ADGRE2: variants seen among roughly 807,000 people sequenced by gnomAD.
ADGRE2 encodes the protein adhesion G protein-coupled receptor E2, also known as CD97 antigen.
In ADGRE2, 83 loss-of-function variants were observed where a neutral mutation model predicts 100.8. The ratio of observed to expected loss-of-function variants is 0.82; its 90% CI spans 0.69 to 0.99. The LOEUF is 0.99. Among genes scored for constraint, ADGRE2 ranks in the 50% least tolerant of loss-of-function variants. ADGRE2 has a pLI of 0.00. For synonymous variants in ADGRE2, 355 were observed against 413.0 expected (o/e 0.86, Z 1.70); for missense variants, 814 against 1,035.7 (o/e 0.79, Z 2.94).
At chr19:14,764,687 G>T in intron 10 of ADGRE2, 77 bp from the exon 11 acceptor site, 1 of 1,432,070 alleles carries the variant, frequency 7.0e-7, no homozygotes, top group Non-Finnish European at 9.5e-7. Context: ...CTCAGCCCCA[G>T]GGAACAGATC....
rs2042680118 is a variant in ADGRE2, at chr19:14,732,459, A to G, written c.*3777T>C. On this transcript the variant is annotated 3_prime_UTR_variant, in exon 21 of 21. Coordinates refer to ENST00000315576, the MANE Select transcript of ADGRE2 (RefSeq NM_013447.4). ...GGTGATCTGGAGTGGAGCCTGCAAT[A>G]TCTCTGAGGTGTGTCTGTATGTGCT... 1 of 152,166 alleles carries G rather than the reference A, an allele frequency of 6.6e-6. No individual in the cohort carries two copies. The highest frequency in any genetic ancestry group is 2.4e-5 in the African/African-American group (1 of 41,430). The allele number at this position is 152,166 out of a possible 1,614,324, so 9.4% of individuals were successfully genotyped here.
In ADGRE2 at chr19:14,751,663, G is replaced by A; in HGVS notation, c.1797C>T (p.Cys599=). 6.2e-7 allele frequency: 1 copy of A among 1,613,462 alleles called. No homozygotes were observed. Among genetic ancestry groups the A allele is most frequent in the Non-Finnish European group, 8.5e-7 (1 of 1,179,512 alleles). The change falls in exon 16 of 21, where the codon TGC becomes TGT. Residue 599 remains cysteine, a synonymous_variant. Transcript: ENST00000315576. ...AGTGCAAGGTACCGGCGATGATGGAGCACAGCACCTGGCGGAGAAGTAAAA... is the reference window on the plus strand; with the variant it reads ...AGTGCAAGGTACCGGCGATGATGGAACACAGCACCTGGCGGAGAAGTAAAA... ...AIDQTGHKVL[C]SIIAGTLHYL... is the part of the protein sequence containing the mutation.
At chr19:14,752,727 C>T (rs566075613) in intron 14 of ADGRE2, among the ~76,000 whole-genome samples, 20 of 152,108 alleles carry the variant, frequency 1.3e-4, no homozygotes, top group Admixed American at 7.2e-4. Context: ...CAGGCGTAGT[C>T]ATGTAGGTGA....
Position 14,759,739 on chromosome 19 carries a change from C to A in ADGRE2, c.1085-3394G>T, listed in dbSNP as rs575250985. Among the ~76,000 whole-genome samples the A allele has an allele frequency of 5.1e-3, 778 of 151,818 alleles. 1 individual carries two copies. The highest frequency in any genetic ancestry group is 7.9e-3 in the Non-Finnish European group (535 of 67,964). Reference sequence around the variant, plus strand: ...CAAACTCCTGATGTCAGGTGATCTGCCTGCCTTGACCTCCCAAAGTGCTAG... The same window carrying A: ...CAAACTCCTGATGTCAGGTGATCTGACTGCCTTGACCTCCCAAAGTGCTAG... On this transcript the variant is annotated intron_variant, in intron 11 of 20. Coordinates refer to ENST00000315576, the MANE Select transcript of ADGRE2 (RefSeq NM_013447.4).
chr19:14,747,845 C>G (rs2043138533), intron 16 of ADGRE2, among the ~76,000 whole-genome samples: 1 of 152,056 alleles, frequency 6.6e-6, no homozygotes, highest in Non-Finnish European at 1.5e-5. Context: ...TCTTAACGTT[C>G]CTTTTTATGG....
At position 14,732,652 on chromosome 19, in the gene ADGRE2, T is replaced by C. The variant is rs902719951; in HGVS notation, c.*3584A>G. The stretch of plus-strand genomic sequence containing the variant: ...CATTTTTCAAATGGGTGAAAACAAA[T>C]AAAAAGAAGAATGATATTTTGTGTC... On this transcript the variant is annotated 3_prime_UTR_variant, in exon 21 of 21. Transcript: ENST00000315576. The C allele has an allele frequency of 5.9e-5, 9 of 152,148 alleles. No individual in the cohort carries two copies. Among genetic ancestry groups the C allele is most frequent in the African/African-American group, 1.7e-4 (7 of 41,430 alleles). The allele number at this position is 152,148 out of a possible 1,614,324, so 9.4% of individuals were successfully genotyped here. A position where few individuals can be genotyped will look rare whatever the true frequency, so the allele number is the denominator to read the frequency against.
the ADGRE2 span, among the ~76,000 whole-genome samples, chr19:14,725,435 C>G: frequency 6.6e-6 from 1 of 152,094 alleles, no homozygotes; most frequent in Admixed American, 6.5e-5. Flanking sequence ...TTCTAAATAC[C>G]TCCCCAAAGT....
chr19:14,776,976 G>GCACACACACACACACACACACA (rs58154734), intron 1 of ADGRE2, 49 bp from the exon 2 acceptor site: 63 of 1,026,208 alleles, frequency 6.1e-5, no homozygotes, highest in African/African-American at 6.0e-4. Flanking sequence ...CAGGGGCGCT[G>GCACACACACACACACACACACA]CACACACACA....
intron 5 of ADGRE2, among the ~76,000 whole-genome samples, chr19:14,770,801 C>T (rs2044178692): frequency 6.6e-6 from 1 of 150,890 alleles, no homozygotes; most frequent in South Asian, 2.1e-4. Context: ...GCCTCAGCCT[C>T]CTGAGTAGCT....
chr19:14,749,224 C>A (rs2043185009), intron 16 of ADGRE2, among the ~76,000 whole-genome samples: 1 of 144,434 alleles, frequency 6.9e-6, no homozygotes, highest in Non-Finnish European at 1.5e-5. Flanking sequence ...TAATTTTAAT[C>A]CTTTATTCTA....
At chr19:14,763,827 C>CCTCCTCCTTCT (rs2043840139) in intron 11 of ADGRE2, among the ~76,000 whole-genome samples, 1 of 129,790 alleles carries the variant, frequency 7.7e-6, no homozygotes, top group African/African-American at 2.9e-5. Context: ...TTCCTCCTCT[C>CCTCCTCCTTCT]CTCCTCCTTC....
chr19:14,775,417 G>C (rs1382837685), intron 2 of ADGRE2, among the ~76,000 whole-genome samples: 4 of 152,158 alleles, frequency 2.6e-5, no homozygotes, highest in Non-Finnish European at 5.9e-5. Context: ...AGCCTCCCTA[G>C]CTTGGCTTGG....
intron 11 of ADGRE2, among the ~76,000 whole-genome samples, chr19:14,762,955 G>T (rs573951928): frequency 6.6e-6 from 1 of 152,220 alleles, no homozygotes; most frequent in African/African-American, 2.4e-5. Flanking sequence ...CACGCCCCAC[G>T]TGAAACAGAC....
chr19:14,764,364 G>C (rs1282185573), intron 11 of ADGRE2, 69 bp downstream of exon 11: 36 of 1,489,044 alleles, frequency 2.4e-5, no homozygotes, highest in Non-Finnish European at 3.0e-5. Context: ...CTTGGCTCTG[G>C]TGGGACTGGG....
At position 14,733,348 on chromosome 19, in the gene ADGRE2, A is replaced by G. The variant is rs781580325; in HGVS notation, c.*2888T>C. On this transcript the variant is annotated 3_prime_UTR_variant, in exon 21 of 21. Coordinates refer to ENST00000315576, the MANE Select transcript of ADGRE2 (RefSeq NM_013447.4). ...CTATAAGCAGCCAAAAAAAGCAGACAGTAAAATGCAGATAAAACAGCTCGG... is the reference window on the plus strand; with the variant it reads ...CTATAAGCAGCCAAAAAAAGCAGACGGTAAAATGCAGATAAAACAGCTCGG... 7.9e-5 allele frequency: 12 copies of G among 152,228 alleles called. No homozygotes were observed. The highest frequency in any genetic ancestry group is 1.8e-4 in the Non-Finnish European group (12 of 68,034). The allele number at this position is 152,228 out of a possible 1,614,324, so 9.4% of individuals were successfully genotyped here.
chr19:14,731,183 C>A (rs1347624158), downstream of ADGRE2: 14 of 1,534,464 alleles, frequency 9.1e-6, 1 homozygote, highest in Middle Eastern at 1.0e-3. Flanking sequence ...AGCCACCCAA[C>A]TAATTTGGAA....
chr19:14,750,917 G>A (rs909187209), intron 16 of ADGRE2, among the ~76,000 whole-genome samples: 3 of 152,210 alleles, frequency 2.0e-5, no homozygotes, highest in South Asian at 2.1e-4. Context: ...GGGCTCAAGC[G>A]ATCCTCCCAC....
chr19:14,754,898 TG>T, intron 14 of ADGRE2, 55 bp downstream of exon 14: 1 of 1,581,234 alleles, frequency 6.3e-7, no homozygotes, highest in African/African-American at 1.3e-5. Flanking sequence ...GCTACGTCTC[TG>T]GGGATTTGTT....
At chr19:14,730,396 C>T (rs1243303296), downstream of ADGRE2, among the ~76,000 whole-genome samples, 2 of 107,360 alleles carry the variant, frequency 1.9e-5, no homozygotes, top group Admixed American at 1.7e-4. Flanking sequence ...TTCTTCCCAG[C>T]CCCTTCTCTC....
Sources: gnomAD v4.1 joint callset for allele counts (sites outside exome capture counted in the v4.1 genomes callset) on GRCh38, gnomAD v4.1.1 for gene constraint, MANE v1.5 for transcripts, NCBI Gene and HGNC (gene_info 2026-07-23, HGNC 2026-07-21) for gene names.